HTRA1: variants seen among roughly 807,000 people sequenced by gnomAD.
The protein encoded by HTRA1 is serine protease HTRA1.
Under a neutral mutation model 49.7 loss-of-function variants are expected in HTRA1, and 26 were observed. That is an observed-to-expected ratio of 0.52 (90% CI 0.38 to 0.73). HTRA1 has a LOEUF of 0.73. Among genes scored for constraint, HTRA1 ranks in the 30% least tolerant of loss-of-function variants. The probability of loss-of-function intolerance (pLI) is 0.00; values close to 1 mark genes in which losing one functional copy is unlikely to be tolerated. For missense variants in HTRA1, 561 were observed against 667.2 expected, an observed-to-expected ratio of 0.84 and a Z score of 1.75; for synonymous variants, 291 against 286.9, an observed-to-expected ratio of 1.01 and a Z score of -0.14.
At position 122,488,945 on chromosome 10, in the gene HTRA1, C is replaced by G; in HGVS notation, c.516C>G (p.Ile172Met). 6.2e-7 allele frequency: 1 copy of G among 1,614,148 alleles called. No individual in the cohort carries two copies. The highest frequency in any genetic ancestry group is 8.5e-7 in the Non-Finnish European group (1 of 1,179,992). ...GTTTGCGCCATAAATATAACTTTAT[C>G]GCGGACGTGGTGGAGAAGATCGCCC... is the stretch of plus-strand genomic sequence containing the variant. Reference protein sequence around the residue: ...PNSLRHKYNFIADVVEKIAPA... With the variant: ...PNSLRHKYNFMADVVEKIAPA... The change falls in exon 2 of 9, where the codon ATC becomes ATG. Residue 172 changes from isoleucine (I) to methionine (M), a missense_variant. Coordinates refer to ENST00000368984, the MANE Select transcript of HTRA1 (RefSeq NM_002775.5).
chr10:122,509,540 G>C (rs934834193), intron 6 of HTRA1, among the ~76,000 whole-genome samples: 4 of 152,218 alleles, frequency 2.6e-5, no homozygotes, highest in Non-Finnish European at 4.4e-5. Flanking sequence ...GGAGTTCCCC[G>C]GGGTGGAAAG....
At chr10:122,470,594 T>C (rs1440981888) in intron 1 of HTRA1, among the ~76,000 whole-genome samples, 2 of 151,708 alleles carry the variant, frequency 1.3e-5, no homozygotes, top group Non-Finnish European at 2.9e-5. Flanking sequence ...AGTCCAGTGA[T>C]ATAAGGAATA....
rs2097493457 is a variant in HTRA1, at chr10:122,487,139, T to C, written c.473-1763T>C. Among the ~76,000 whole-genome samples the C allele has an allele frequency of 6.6e-6, 1 of 152,210 alleles. No homozygotes were observed. The highest frequency in any genetic ancestry group is 1.5e-5 in the Non-Finnish European group (1 of 68,034). On this transcript the variant is annotated intron_variant, in intron 1 of 8. Transcript: ENST00000368984. The surrounding 1 kb of genome is among the most constrained non-coding windows in gnomAD (Gnocchi z 4.8). ...ATAAGATTACCATGTGAAATTGCTA[T>C]GAAAGTTTCCGAAAGCTTCCTGTCA...
chr10:122,461,910 G>A lies in HTRA1; in HGVS notation c.258G>A (p.Gly86=). 6.9e-7 allele frequency: 1 copy of A among 1,450,786 alleles called. No individual in the cohort carries two copies. The highest frequency in any genetic ancestry group is 3.0e-5 in the East Asian group (1 of 33,124). 89.9% of individuals were successfully genotyped at this position (1,450,786 alleles called of 1,614,324 possible). A position where few individuals can be genotyped will look rare whatever the true frequency, so the allele number is the denominator to read the frequency against. Residue 86 remains glycine (G), a synonymous_variant, in exon 1 of 9, where the codon GGG becomes GGA. Coordinates refer to ENST00000368984, the MANE Select transcript of HTRA1 (RefSeq NM_002775.5). ...CGLQEGPCGE[G]LQCVVPFGVP... is the part of the protein sequence containing the mutation. Reference sequence around the variant, plus strand: ...TGCAGGAGGGCCCGTGCGGCGAGGGGCTGCAGTGCGTGGTGCCCTTCGGGG... The same window carrying A: ...TGCAGGAGGGCCCGTGCGGCGAGGGACTGCAGTGCGTGGTGCCCTTCGGGG...
At chr10:122,475,097 A>G (rs2097487836) in intron 1 of HTRA1, among the ~76,000 whole-genome samples, 1 of 152,164 alleles carries the variant, frequency 6.6e-6, no homozygotes, top group African/African-American at 2.4e-5. Flanking sequence ...CACATTTCGA[A>G]TCTACTCTAT....
intron 3 of HTRA1, among the ~76,000 whole-genome samples, chr10:122,504,986 G>C (rs916834018): frequency 6.6e-6 from 1 of 152,246 alleles, no homozygotes; most frequent in Non-Finnish European, 1.5e-5. Context: ...GCTGTGGAAA[G>C]GTGTTTGGTG....
intron 6 of HTRA1, 72 bp from the exon 7 acceptor site, chr10:122,510,024 C>T (rs2097504892): frequency 1.5e-6 from 2 of 1,351,984 alleles, no homozygotes; most frequent in Non-Finnish European, 2.1e-6. Flanking sequence ...GGATTGGGCC[C>T]CCGGCCCCTG....
intron 1 of HTRA1, among the ~76,000 whole-genome samples, chr10:122,477,118 C>T (rs2097488875): frequency 6.6e-6 from 1 of 151,994 alleles, no homozygotes; most frequent in Non-Finnish European, 1.5e-5. Context: ...CAGGTGCCTG[C>T]CACCATGCCT....
At chr10:122,514,077 A>G (rs1028965696) in intron 8 of HTRA1, 114 bp from the exon 9 acceptor site, 15 of 1,060,166 alleles carry the variant, frequency 1.4e-5, no homozygotes, top group Non-Finnish European at 1.9e-5. Flanking sequence ...GCCACCGTCC[A>G]ATCCTGTTTG....
At chr10:122,508,192 CT>C (rs1171195981) in intron 5 of HTRA1, among the ~76,000 whole-genome samples, 2 of 152,166 alleles carry the variant, frequency 1.3e-5, no homozygotes, top group Non-Finnish European at 2.9e-5. Context: ...CCGCGCAGCA[CT>C]TGGGGATGGA....
intron 1 of HTRA1, among the ~76,000 whole-genome samples, chr10:122,469,065 C>T (rs567714343): frequency 5.8e-4 from 88 of 152,232 alleles, no homozygotes; most frequent in African/African-American, 1.9e-3. Flanking sequence ...CAAAAGTCTC[C>T]GAGGGCATAT....
chr10:122,478,178 G>T (rs1283907131), intron 1 of HTRA1, among the ~76,000 whole-genome samples: 1 of 152,196 alleles, frequency 6.6e-6, no homozygotes, highest in East Asian at 1.9e-4. Flanking sequence ...AAGAAATCAG[G>T]TGAAGAATCA....
intron 3 of HTRA1, among the ~76,000 whole-genome samples, chr10:122,498,575 CTGAAGCTG>C (rs2097499680): frequency 6.6e-6 from 1 of 152,198 alleles, no homozygotes; most frequent in Non-Finnish European, 1.5e-5. Context: ...CGGAAGGGTT[CTGAAGCTG>C]TTCAGAACCC....
rs368459781 is a variant in HTRA1 at position 122,481,056 on chromosome 10, T to C, written c.473-7846T>C. On this transcript the variant is annotated intron_variant, in intron 1 of 8. Transcript: ENST00000368984. Reference sequence around the variant, plus strand: ...GCTCACCTTTTCATGTGACAATGCTTTTGTAATATTTCCTACAGAGAAAAT... The same window carrying C: ...GCTCACCTTTTCATGTGACAATGCTCTTGTAATATTTCCTACAGAGAAAAT... Among the ~76,000 whole-genome samples, 4 of 152,180 alleles carry C rather than the reference T, an allele frequency of 2.6e-5. No homozygotes were observed. In the East Asian group the frequency reaches 7.7e-4, roughly 29 times the overall value.
chr10:122,462,242 C>A, intron 1 of HTRA1, 118 bp downstream of exon 1: 1 of 888,894 alleles, frequency 1.1e-6, no homozygotes, highest in Non-Finnish European at 1.7e-6. Flanking sequence ...GCCAGGGCAA[C>A]TCTCGGGGAC....
chr10:122,504,294 GTC>G (rs1224603417), intron 3 of HTRA1, among the ~76,000 whole-genome samples: 1 of 152,232 alleles, frequency 6.6e-6, no homozygotes, highest in East Asian at 1.9e-4. Flanking sequence ...TTGCCTTTCA[GTC>G]TCTCTGCCTT....
At chr10:122,471,088 GC>G (rs1253089405) in intron 1 of HTRA1, among the ~76,000 whole-genome samples, 1 of 152,152 alleles carries the variant, frequency 6.6e-6, no homozygotes, top group African/African-American at 2.4e-5. Flanking sequence ...TCCTGGGGTG[GC>G]CTGCATCCTG....
chr10:122,488,102 CTTTGCCTTCGTGTTTCTTCG>C (rs1265966501), intron 1 of HTRA1, among the ~76,000 whole-genome samples: 5 of 152,252 alleles, frequency 3.3e-5, no homozygotes, highest in African/African-American at 1.2e-4. Context: ...GGAGCTGCCC[CTTTGCCTTCGTGTTTCTTCG>C]TAATAATCTC....
At chr10:122,482,465 A>G (rs1375508872) in intron 1 of HTRA1, among the ~76,000 whole-genome samples, 1 of 152,130 alleles carries the variant, frequency 6.6e-6, no homozygotes, top group East Asian at 1.9e-4. Flanking sequence ...TGAAATATCG[A>G]TGAATTTTCT....
Sources: allele counts gnomAD v4.1 joint callset (sites outside exome capture counted in the v4.1 genomes callset), GRCh38; gene constraint gnomAD v4.1.1; non-coding constraint Gnocchi (gnomAD v3.1); transcripts MANE v1.5; gene names NCBI Gene and HGNC (gene_info 2026-07-23, HGNC 2026-07-21).